DDX1: variants seen among roughly 807,000 people sequenced by gnomAD.
The protein encoded by DDX1 is ATP-dependent RNA helicase DDX1.
In DDX1, 28 loss-of-function variants were observed where a neutral mutation model predicts 108.7. The observed-to-expected ratio is 0.26, with a 90% CI of 0.19 to 0.35. The LOEUF is 0.35. DDX1 is among the 10% of genes least tolerant of loss of function. The pLI is 1.00. For synonymous variants in DDX1, 295 were observed against 288.9 expected, an observed-to-expected ratio of 1.02 and a Z score of -0.21; for missense variants, 710 against 884.5, an observed-to-expected ratio of 0.80 and a Z score of 2.50.
At chr2:15,612,110 C>T (rs534356545) in intron 13 of DDX1, among the ~76,000 whole-genome samples, 4 of 145,670 alleles carry the variant, frequency 2.7e-5, no homozygotes, top group African/African-American at 2.6e-5. Flanking sequence ...ACCTCCCTCC[C>T]GGACGGGGCG....
At chr2:15,592,592 C>T (rs1665433607) in intron 1 of DDX1, among the ~76,000 whole-genome samples, 1 of 152,120 alleles carries the variant, frequency 6.6e-6, no homozygotes, top group African/African-American at 2.4e-5. Flanking sequence ...CGTCTGCTAC[C>T]CTCCTTTATT....
intron 16 of DDX1, among the ~76,000 whole-genome samples, chr2:15,618,490 A>C (rs1395706364): frequency 6.6e-6 from 1 of 152,072 alleles, no homozygotes; most frequent in Non-Finnish European, 1.5e-5. Flanking sequence ...CCAGGCGCGG[A>C]GTGGTGAGGC....
At chr2:15,630,689 TA>T in intron 25 of DDX1, 86 bp from the exon 26 acceptor site, 1 of 1,428,104 alleles carries the variant, frequency 7.0e-7, no homozygotes, top group Non-Finnish European at 9.6e-7. Context: ...AAGCAAAGTT[TA>T]AAGTGATATA....
intron 5 of DDX1, chr2:15,599,265 A>G (rs948704227): frequency 7.9e-6 from 1 of 126,676 alleles, no homozygotes; most frequent in African/African-American, 2.7e-5. Flanking sequence ...TACATAAAAT[A>G]CTTGTTTTTT....
chr2:15,618,074 T>C, intron 15 of DDX1, 107 bp from the exon 16 acceptor site: 1 of 588,786 alleles, frequency 1.7e-6, no homozygotes, highest in Non-Finnish European at 3.1e-6. Flanking sequence ...TGAATTAGTT[T>C]CCTTATATTT....
chr2:15,629,528 A>G, intron 23 of DDX1, 74 bp from the exon 24 acceptor site: 1 of 1,145,294 alleles, frequency 8.7e-7, no homozygotes, highest in Non-Finnish European at 1.2e-6. Flanking sequence ...AACAATTAAA[A>G]ACAAATTTAG....
At chr2:15,628,868 A>G (rs777291718) in intron 23 of DDX1, 29 bp downstream of exon 23, 2 of 1,589,898 alleles carry the variant, frequency 1.3e-6, no homozygotes, top group South Asian at 2.2e-5. Flanking sequence ...TATTATATTC[A>G]TTGTGTGTGT....
intron 13 of DDX1, among the ~76,000 whole-genome samples, chr2:15,609,426 C>T (rs1391387043): frequency 2.6e-5 from 4 of 152,228 alleles, no homozygotes; most frequent in African/African-American, 9.6e-5. Context: ...ATCTGCCCCT[C>T]CTCTGATACA....
chr2:15,601,059 A>T (rs1052044609), intron 6 of DDX1, among the ~76,000 whole-genome samples: 3 of 152,026 alleles, frequency 2.0e-5, no homozygotes, highest in Non-Finnish European at 4.4e-5. Flanking sequence ...CTGTGAGCCA[A>T]GGCAGTTCTA....
intron 6 of DDX1, among the ~76,000 whole-genome samples, chr2:15,600,709 G>A (rs11678730): frequency 0.018 from 2,634 of 149,428 alleles, 28 homozygotes; most frequent in Non-Finnish European, 0.027. Flanking sequence ...GTAACCAAAG[G>A]ACTGTATACT....
chr2:15,603,720 A>G, intron 8 of DDX1, 94 bp from the exon 9 acceptor site: 1 of 815,082 alleles, frequency 1.2e-6, no homozygotes, highest in Non-Finnish European at 1.9e-6. Flanking sequence ...GGTTTATGAA[A>G]TGGACATACT....
chr2:15,622,226 A>G (rs945617309), intron 18 of DDX1, among the ~76,000 whole-genome samples: 1 of 152,346 alleles, frequency 6.6e-6, no homozygotes, highest in South Asian at 2.1e-4. Context: ...ATTGGCATTA[A>G]GTACATTCAT....
At chr2:15,624,322 A>T (rs530465660) in intron 19 of DDX1, among the ~76,000 whole-genome samples, 1 of 152,328 alleles carries the variant, frequency 6.6e-6, no homozygotes, top group Admixed American at 6.5e-5. Flanking sequence ...GCTACAATGG[A>T]AGTATAAGGG....
chr2:15,627,169 T>G, intron 20 of DDX1, 24 bp downstream of exon 20: 1 of 1,347,396 alleles, frequency 7.4e-7, no homozygotes, highest in Non-Finnish European at 1.1e-6. Context: ...GTTGATTGTT[T>G]CCTTAATACT....
intron 6 of DDX1, 69 bp from the exon 7 acceptor site, chr2:15,602,478 AG>A: frequency 1.9e-6 from 2 of 1,057,184 alleles, no homozygotes; most frequent in Non-Finnish European, 2.9e-6. Flanking sequence ...TTTTGGTGGT[AG>A]GGGGTGGGAA....
chr2:15,628,210 A>G (rs981174764), intron 20 of DDX1, among the ~76,000 whole-genome samples: 3 of 152,214 alleles, frequency 2.0e-5, no homozygotes, highest in Non-Finnish European at 4.4e-5. Flanking sequence ...TTGAGTAGAA[A>G]AAGAAAAGCA....
chr2:15,611,592 G>T (rs1573043539), intron 13 of DDX1, among the ~76,000 whole-genome samples: 1 of 129,052 alleles, frequency 7.7e-6, no homozygotes, highest in East Asian at 3.1e-4. Context: ...CCCGGACGGG[G>T]CGGCTGGCCG....
At chr2:15,599,612 C>G in intron 5 of DDX1, 57 bp from the exon 6 acceptor site, 1 of 1,399,704 alleles carries the variant, frequency 7.1e-7, no homozygotes, top group Non-Finnish European at 9.9e-7. Flanking sequence ...CGCACCCGGC[C>G]AAGCATTTTA....
chr2:15,612,850 T>C (rs920474494), intron 13 of DDX1, among the ~76,000 whole-genome samples: 2 of 151,960 alleles, frequency 1.3e-5, no homozygotes, highest in African/African-American at 2.4e-5. Flanking sequence ...ACCAAAAAAA[T>C]ACGAAAACCA....
Sources: allele counts gnomAD v4.1 joint callset (sites outside exome capture counted in the v4.1 genomes callset), GRCh38; gene constraint gnomAD v4.1.1; transcripts MANE v1.5; gene names NCBI Gene and HGNC (gene_info 2026-07-23, HGNC 2026-07-21).